The following EDIL3 variants were observed in gnomAD, a reference collection of about 807,000 sequenced individuals.
EDIL3 encodes EGF like and discoidin domains 3, also known as EGF-like repeat and discoidin I-like domain-containing protein 3.
Under a neutral mutation model 67.4 loss-of-function variants are expected in EDIL3, and 37 were observed. The observed-to-expected ratio is 0.55, with a 90% CI of 0.42 to 0.72. The LOEUF (loss-of-function observed/expected upper bound fraction) is 0.72, where lower values mean the gene tolerates loss of function less well. Among genes scored for constraint, EDIL3 ranks in the 30% least tolerant of loss-of-function variants. The pLI is 0.00. For synonymous variants in EDIL3, 195 were observed against 196.3 expected, an observed-to-expected ratio of 0.99 and a Z score of 0.05; for missense variants, 527 against 586.3, an observed-to-expected ratio of 0.90 and a Z score of 1.04.
chr5:84,016,045 C>G (rs1745598645), intron 9 of EDIL3, among the ~76,000 whole-genome samples: 1 of 152,138 alleles, frequency 6.6e-6, no homozygotes, highest in Non-Finnish European at 1.5e-5. Context: ...CCTCCTCCCA[C>G]CACCCACCCT....
At chr5:83,947,369 C>CTGTGTG (rs34059015) in intron 10 of EDIL3, among the ~76,000 whole-genome samples, 95 of 129,536 alleles carry the variant, frequency 7.3e-4, no homozygotes, top group Middle Eastern at 4.0e-3. Context: ...GTGTCTGTGT[C>CTGTGTG]TGTGTGTGTG....
chr5:84,141,067 CAT>C (rs1208700909), intron 4 of EDIL3, among the ~76,000 whole-genome samples: 1 of 152,002 alleles, frequency 6.6e-6, no homozygotes, highest in African/African-American at 2.4e-5. Context: ...CAATAAATAA[CAT>C]ACACCTATCT....
intron 5 of EDIL3, among the ~76,000 whole-genome samples, chr5:84,123,229 C>T (rs1247600581): frequency 6.6e-6 from 1 of 151,948 alleles, no homozygotes; most frequent in African/African-American, 2.4e-5. Flanking sequence ...GCAATTATGA[C>T]ATTAGTCTGA....
At chr5:84,367,485 TA>T (rs1278506307) in intron 1 of EDIL3, among the ~76,000 whole-genome samples, 1 of 152,130 alleles carries the variant, frequency 6.6e-6, no homozygotes, top group African/African-American at 2.4e-5. Flanking sequence ...GCACTCAATA[TA>T]AAAAGGGAAT....
chr5:84,079,656 A>G (rs1050366122), intron 6 of EDIL3, among the ~76,000 whole-genome samples: 1 of 152,092 alleles, frequency 6.6e-6, no homozygotes, highest in Non-Finnish European at 1.5e-5. Flanking sequence ...TGTCTCAGGC[A>G]AAAAGAACAG....
intron 1 of EDIL3, among the ~76,000 whole-genome samples, chr5:84,332,462 G>C (rs1234153702): frequency 6.6e-6 from 1 of 152,168 alleles, no homozygotes; most frequent in African/African-American, 2.4e-5. Context: ...GAGGCTTCAA[G>C]ATAACGTTCT....
chr5:84,098,136 A>G (rs1425491348), intron 6 of EDIL3, among the ~76,000 whole-genome samples: 1 of 151,988 alleles, frequency 6.6e-6, no homozygotes, highest in Non-Finnish European at 1.5e-5. Flanking sequence ...GCATTTACCA[A>G]CTCTTTAAAT....
intron 3 of EDIL3, among the ~76,000 whole-genome samples, chr5:84,193,229 G>C (rs1256070394): frequency 6.6e-6 from 1 of 152,004 alleles, no homozygotes; most frequent in Non-Finnish European, 1.5e-5. Flanking sequence ...AAATAGAGCA[G>C]TTAAGAATCA....
At chr5:84,061,329 A>C (rs960116182) in intron 8 of EDIL3, among the ~76,000 whole-genome samples, 5 of 152,116 alleles carry the variant, frequency 3.3e-5, no homozygotes, top group Non-Finnish European at 7.4e-5. Context: ...GCATGCACAT[A>C]TGTTTGTGTG....
chr5:84,160,203 G>A (rs762796081), intron 4 of EDIL3, among the ~76,000 whole-genome samples: 10 of 152,122 alleles, frequency 6.6e-5, no homozygotes, highest in Non-Finnish European at 1.3e-4. Context: ...AAACTGCAAT[G>A]CACTTAATAC....
intron 3 of EDIL3, among the ~76,000 whole-genome samples, chr5:84,223,307 G>T (rs1212294999): frequency 6.6e-6 from 1 of 151,576 alleles, no homozygotes; most frequent in Non-Finnish European, 1.5e-5. Context: ...ATGCCCAGAT[G>T]AAATAATATC....
intron 1 of EDIL3, among the ~76,000 whole-genome samples, chr5:84,283,370 A>T (rs1446114961): frequency 6.6e-6 from 1 of 152,146 alleles, no homozygotes; most frequent in Admixed American, 6.5e-5. Context: ...TTAAAAGCAC[A>T]ATTTTCTTCA....
intron 1 of EDIL3, among the ~76,000 whole-genome samples, chr5:84,327,817 A>G (rs890630482): frequency 1.3e-5 from 2 of 151,968 alleles, no homozygotes; most frequent in African/African-American, 4.8e-5. Context: ...CCAGGGAGAC[A>G]CTTTCTTTTT....
At chr5:84,212,482 G>A (rs1019352942) in intron 3 of EDIL3, among the ~76,000 whole-genome samples, 41 of 152,224 alleles carry the variant, frequency 2.7e-4, no homozygotes, top group African/African-American at 8.9e-4. Flanking sequence ...GAAGAAATTC[G>A]TGGAGATTCT....
At chr5:84,045,816 C>T (rs978380708) in intron 9 of EDIL3, among the ~76,000 whole-genome samples, 51 of 152,088 alleles carry the variant, frequency 3.4e-4, no homozygotes, top group African/African-American at 1.2e-3. Context: ...GCAAAATTTT[C>T]TATAAATAAA....
chr5:84,019,979 A>C (rs1338007087), intron 9 of EDIL3, among the ~76,000 whole-genome samples: 1 of 150,592 alleles, frequency 6.6e-6, no homozygotes. Flanking sequence ...CAGCTTCAAC[A>C]CCTACCAAAT....
chr5:84,054,991 T>G (rs1746416629), intron 9 of EDIL3, among the ~76,000 whole-genome samples: 1 of 146,186 alleles, frequency 6.8e-6, no homozygotes, highest in African/African-American at 2.7e-5. Flanking sequence ...AAAAATAGCC[T>G]GCATTGCAAA....
At chr5:83,952,983 G>A (rs1444511876) in intron 10 of EDIL3, among the ~76,000 whole-genome samples, 1 of 151,766 alleles carries the variant, frequency 6.6e-6, no homozygotes, top group South Asian at 2.1e-4. Context: ...ATTAGGGAGA[G>A]GAGACAATCC....
At chr5:84,278,652 C>T (rs777601598) in intron 1 of EDIL3, among the ~76,000 whole-genome samples, 1 of 152,074 alleles carries the variant, frequency 6.6e-6, no homozygotes, top group Admixed American at 6.6e-5. Flanking sequence ...TAGATTCTAA[C>T]GTAATCTTGA....
Sources: gnomAD v4.1 joint callset for allele counts (sites outside exome capture counted in the v4.1 genomes callset) on GRCh38, gnomAD v4.1.1 for gene constraint, MANE v1.5 for transcripts, NCBI Gene and HGNC (gene_info 2026-07-23, HGNC 2026-07-21) for gene names.